JARID2: variants seen among roughly 807,000 people sequenced by gnomAD.
JARID2 encodes the protein jumonji and AT-rich interaction domain containing 2.
A neutral mutation model predicts 125.6 loss-of-function variants in JARID2; 21 were observed. That is an observed-to-expected ratio of 0.17 (90% confidence interval 0.12 to 0.24). The LOEUF (loss-of-function observed/expected upper bound fraction) is 0.24. Among genes scored for constraint, JARID2 ranks in the 10% least tolerant of loss-of-function variants. The pLI is 1.00. For synonymous variants in JARID2, 736 were observed against 661.6 expected (o/e 1.11, Z -1.73); for missense variants, 1,303 against 1,639.6 (o/e 0.79, Z 3.55).
At position 15,410,282 on chromosome 6, in the gene JARID2, T is replaced by G; in HGVS notation, c.240T>G (p.Asn80Lys). The G allele has an allele frequency of 6.2e-7, 1 of 1,614,122 alleles. No individual in the cohort carries two copies. The highest frequency in any genetic ancestry group is 1.1e-5 in the South Asian group (1 of 91,080). ...GLGPASEQSE[N>K]EKDDASQVSS... ...GACCAGCATCAGAACAGTCAGAGAA[T>G]GAAAAGGACGATGCATCCCAAGTGT... Residue 80 changes from asparagine to lysine, a missense_variant, in exon 3 of 18, where the codon AAT becomes AAG. Physicochemically the swap from Asn to Lys is moderately conservative, Grantham distance 94 (BLOSUM62 0). Around this residue, in one of 11 missense-constraint regions of JARID2, gnomAD observed 93 missense variants for 120.4 expected, o/e 0.77. Transcript: ENST00000341776.
chr6:15,398,848 TACGTGATTCTGAA>T (rs1765313886), intron 2 of JARID2, among the ~76,000 whole-genome samples: 1 of 152,186 alleles, frequency 6.6e-6, no homozygotes, highest in African/African-American at 2.4e-5. Context: ...CCACTAATCA[TACGTGATTCTGAA>T]ACTTCATTTC....
chr6:15,392,065 TGTGTGTGTGTGTGC>T (rs1217480125), intron 2 of JARID2, among the ~76,000 whole-genome samples: 85 of 109,476 alleles, frequency 7.8e-4, no homozygotes, highest in South Asian at 3.1e-3. Flanking sequence ...TGTGTGTGTG[TGTGTGTGTGTGTGC>T]GTGTCTGGAG....
chr6:15,400,569 C>G (rs1178066574), intron 2 of JARID2, among the ~76,000 whole-genome samples: 1 of 151,902 alleles, frequency 6.6e-6, no homozygotes, highest in Admixed American at 6.6e-5. Flanking sequence ...CCCCTCCCCC[C>G]ATATGTCAGA....
intron 1 of JARID2, among the ~76,000 whole-genome samples, chr6:15,258,184 A>AT (rs1447614451): frequency 1.3e-5 from 2 of 152,124 alleles, no homozygotes; most frequent in Non-Finnish European, 2.9e-5. Flanking sequence ...TACAGCTGGC[A>AT]TTTTTTGGTT....
chr6:15,268,662 A>G (rs766272841), intron 1 of JARID2, among the ~76,000 whole-genome samples: 2 of 152,136 alleles, frequency 1.3e-5, no homozygotes, highest in African/African-American at 4.8e-5. Context: ...GCTCTTTCAC[A>G]TGCACACGTC....
chr6:15,369,647 T>A (rs1764094505), intron 1 of JARID2, among the ~76,000 whole-genome samples: 1 of 152,198 alleles, frequency 6.6e-6, no homozygotes, highest in Admixed American at 6.5e-5. Flanking sequence ...GGGCTATTAG[T>A]TGACTTGAAC....
In JARID2 at chr6:15,337,775, C is replaced by T. The variant is rs929486150; in HGVS notation, c.46-36342C>T. On this transcript the variant is annotated intron_variant, in intron 1 of 17. Coordinates refer to ENST00000341776, the MANE Select transcript of JARID2 (RefSeq NM_004973.4). Reference sequence around the variant, plus strand: ...ACTCTGTTTCTGATAGGGAAGTTAACGAAGGAACGGCCCCTGCTGGCTGAG... The same window carrying T: ...ACTCTGTTTCTGATAGGGAAGTTAATGAAGGAACGGCCCCTGCTGGCTGAG... 5.3e-5 allele frequency among the ~76,000 whole-genome samples: 8 copies of T among 151,110 alleles called. No individual in the cohort carries two copies. The East Asian group carries it at 9.8e-4, about 18-fold the overall frequency.
chr6:15,384,712 C>T (rs1029797427), intron 2 of JARID2, among the ~76,000 whole-genome samples: 43 of 152,150 alleles, frequency 2.8e-4, no homozygotes, highest in African/African-American at 9.7e-4. Context: ...CCCAACCCCC[C>T]GAACTCAAGT....
At chr6:15,323,375 G>A (rs939803404) in intron 1 of JARID2, among the ~76,000 whole-genome samples, 2 of 152,040 alleles carry the variant, frequency 1.3e-5, no homozygotes, top group African/African-American at 4.8e-5. Flanking sequence ...CTACAGCACC[G>A]GGAAATCCTG....
intron 2 of JARID2, among the ~76,000 whole-genome samples, chr6:15,377,554 C>T (rs1764403182): frequency 6.6e-6 from 1 of 152,160 alleles, no homozygotes; most frequent in Non-Finnish European, 1.5e-5. Flanking sequence ...CAACCCCCAC[C>T]TCCCGGGTTC....
chr6:15,485,577 G>C (rs749419626), intron 5 of JARID2, among the ~76,000 whole-genome samples: 10 of 152,150 alleles, frequency 6.6e-5, no homozygotes, highest in Non-Finnish European at 1.5e-4. Flanking sequence ...GTGGTAATTA[G>C]CTTGATTAAT....
At chr6:15,483,829 A>T (rs1237452827) in intron 5 of JARID2, among the ~76,000 whole-genome samples, 1 of 152,212 alleles carries the variant, frequency 6.6e-6, no homozygotes, top group Non-Finnish European at 1.5e-5. Context: ...GAGCTATCTG[A>T]AAAGGAGAAA....
At chr6:15,499,892 G>T (rs1295814372) in intron 7 of JARID2, among the ~76,000 whole-genome samples, 1 of 152,130 alleles carries the variant, frequency 6.6e-6, no homozygotes, top group African/African-American at 2.4e-5. Flanking sequence ...TGCCGAGGTG[G>T]TTCAGACGCT....
intron 3 of JARID2, among the ~76,000 whole-genome samples, chr6:15,413,643 G>C (rs929911740): frequency 3.9e-5 from 6 of 152,264 alleles, no homozygotes; most frequent in Non-Finnish European, 5.9e-5. Context: ...ATCTGGCTTT[G>C]TTACCCAGGC....
chr6:15,269,831 C>T lies in JARID2; in HGVS notation c.45+23247C>T, dbSNP rs115061271. ...AGTCCAGAAGTGACTTGGATGGGAT[C>T]CCCAGGAAGGATACTTAGAATTTAC... On this transcript the variant is annotated intron_variant, in intron 1 of 17. Coordinates refer to ENST00000341776, the MANE Select transcript of JARID2 (RefSeq NM_004973.4). Among the ~76,000 whole-genome samples, 1,266 of 152,152 alleles carry T rather than the reference C, an allele frequency of 8.3e-3. 20 individuals carry two copies. The highest frequency in any genetic ancestry group is 0.029 in the African/African-American group (1,201 of 41,500).
chr6:15,359,336 A>G (rs1481013245), intron 1 of JARID2, among the ~76,000 whole-genome samples: 1 of 152,304 alleles, frequency 6.6e-6, no homozygotes, highest in East Asian at 1.9e-4. Context: ...TTCTGACGGT[A>G]TGTCCTGCCC....
chr6:15,304,073 G>T (rs1168781880), intron 1 of JARID2, among the ~76,000 whole-genome samples: 1 of 152,138 alleles, frequency 6.6e-6, no homozygotes, highest in Non-Finnish European at 1.5e-5. Context: ...TTGCTGTGGG[G>T]ATTAAAGGAG....
intron 16 of JARID2, among the ~76,000 whole-genome samples, chr6:15,515,913 T>G (rs1023271515): frequency 2.7e-5 from 4 of 150,434 alleles, no homozygotes; most frequent in Non-Finnish European, 5.9e-5. Context: ...TGAGCGCCTG[T>G]AGTCCCAGCT....
At chr6:15,500,599 ATGTC>A (rs1388634660) in intron 7 of JARID2, among the ~76,000 whole-genome samples, 1 of 152,106 alleles carries the variant, frequency 6.6e-6, no homozygotes, top group Non-Finnish European at 1.5e-5. Flanking sequence ...TCCTCCCTGT[ATGTC>A]TGTCTGGCCA....
Sources: allele counts gnomAD v4.1 joint callset (sites outside exome capture counted in the v4.1 genomes callset), GRCh38; gene constraint gnomAD v4.1.1; regional missense constraint gnomAD v4.1.1; transcripts MANE v1.5; gene names NCBI Gene and HGNC (gene_info 2026-07-23, HGNC 2026-07-21).